TRPS1: variants seen among roughly 807,000 people sequenced by gnomAD.
TRPS1 encodes zinc finger transcription factor Trps1.
TRPS1 carries 6 observed loss-of-function variants against 101.2 expected under a neutral mutation model. The ratio of observed to expected loss-of-function variants is 0.06; its 90% CI spans 0.03 to 0.12. The LOEUF is 0.12. Among genes scored for constraint, TRPS1 ranks in the 10% least tolerant of loss-of-function variants. TRPS1 has a pLI of 1.00. For missense variants in TRPS1, 1,363 were observed against 1,567.0 expected, an observed-to-expected ratio of 0.87 and a Z score of 2.20; for synonymous variants, 578 against 589.8, an observed-to-expected ratio of 0.98 and a Z score of 0.29.
At chr8:115,449,455 T>G (rs1398126252) in intron 5 of TRPS1, among the ~76,000 whole-genome samples, 2 of 152,156 alleles carry the variant, frequency 1.3e-5, no homozygotes, top group African/African-American at 4.8e-5. Context: ...AGGCCAATAT[T>G]TACTAAGCAT....
At chr8:115,494,867 T>C (rs538344113) in intron 5 of TRPS1, among the ~76,000 whole-genome samples, 9 of 152,322 alleles carry the variant, frequency 5.9e-5, no homozygotes, top group Non-Finnish European at 1.0e-4. Flanking sequence ...TGTTTTTCGC[T>C]TGAAAGAAAA....
chr8:115,530,581 A>G (rs1205757161), intron 5 of TRPS1, among the ~76,000 whole-genome samples: 1 of 152,138 alleles, frequency 6.6e-6, no homozygotes, highest in African/African-American at 2.4e-5. Flanking sequence ...AACATAACCC[A>G]TTTGTCAGGG....
chr8:115,450,883 A>C (rs1330291656), intron 5 of TRPS1, among the ~76,000 whole-genome samples: 1 of 152,226 alleles, frequency 6.6e-6, no homozygotes, highest in Non-Finnish European at 1.5e-5. Flanking sequence ...CAAGTTATAT[A>C]TGTTTGAGAC....
chr8:115,444,685 A>G (rs1044057017), intron 5 of TRPS1, among the ~76,000 whole-genome samples: 15 of 152,204 alleles, frequency 9.9e-5, no homozygotes, highest in South Asian at 2.1e-4. Flanking sequence ...AATTAATAAA[A>G]TGAATTGTGT....
At chr8:115,528,876 AACTAT>A (rs1173391219) in intron 5 of TRPS1, among the ~76,000 whole-genome samples, 3 of 152,040 alleles carry the variant, frequency 2.0e-5, no homozygotes, top group African/African-American at 4.8e-5. Flanking sequence ...TTCTTTTAAA[AACTAT>A]TTCAAAATAG....
chr8:115,527,172 T>TATAAA (rs1270171572), intron 5 of TRPS1, among the ~76,000 whole-genome samples: 4 of 152,134 alleles, frequency 2.6e-5, no homozygotes, highest in Non-Finnish European at 5.9e-5. Flanking sequence ...AACAAAGACT[T>TATAAA]CAGCCCTCAG....
intron 1 of TRPS1, among the ~76,000 whole-genome samples, chr8:115,638,573 A>C (rs981425658): frequency 1.3e-5 from 2 of 152,170 alleles, no homozygotes; most frequent in Admixed American, 1.3e-4. Flanking sequence ...CTCCAAAAGC[A>C]AATCTGGGCA....
At chr8:115,538,344 C>A (rs2130297975) in intron 5 of TRPS1, among the ~76,000 whole-genome samples, 1 of 152,242 alleles carries the variant, frequency 6.6e-6, no homozygotes. Flanking sequence ...TATATTATTG[C>A]ATAGTTAAGT....
intron 5 of TRPS1, among the ~76,000 whole-genome samples, chr8:115,563,165 T>C (rs144861408): frequency 2.6e-5 from 4 of 152,144 alleles, no homozygotes; most frequent in African/African-American, 7.2e-5. Flanking sequence ...CCAACAAACA[T>C]GCATCACTAA....
At chr8:115,596,573 TAG>T (rs2130469924) in intron 4 of TRPS1, among the ~76,000 whole-genome samples, 1 of 151,888 alleles carries the variant, frequency 6.6e-6, no homozygotes, top group South Asian at 2.1e-4. Flanking sequence ...TCTATATGGA[TAG>T]ATATAGATAT....
Position 115,413,754 on chromosome 8 carries a change from G to C in TRPS1, c.*269C>G, listed in dbSNP as rs900336688. 1 of 441,814 alleles carries C rather than the reference G, an allele frequency of 2.3e-6. No homozygotes were observed. Among genetic ancestry groups the C allele is most frequent in the African/African-American group, 2.0e-5 (1 of 49,956 alleles). 27.4% of individuals were successfully genotyped at this position (441,814 alleles called of 1,614,324 possible). ...ATATCTCTTATGGATTATTTCCCCA[G>C]TACATATTAGCCAAGATGGTTTTGA... On this transcript the variant is annotated 3_prime_UTR_variant, in exon 7 of 7. Coordinates refer to ENST00000395715, the MANE Select transcript of TRPS1 (RefSeq NM_014112.5).
intron 5 of TRPS1, among the ~76,000 whole-genome samples, chr8:115,487,982 C>T (rs1046921458): frequency 3.3e-5 from 5 of 152,082 alleles, no homozygotes; most frequent in Non-Finnish European, 7.4e-5. Context: ...TTGCATACTA[C>T]AGGAAATCTT....
intron 1 of TRPS1, among the ~76,000 whole-genome samples, chr8:115,633,900 T>C (rs536474212): frequency 1.3e-5 from 2 of 152,222 alleles, no homozygotes; most frequent in African/African-American, 4.8e-5. Flanking sequence ...AAACATAAGT[T>C]AATAGGTACA....
intron 5 of TRPS1, among the ~76,000 whole-genome samples, chr8:115,580,556 C>T (rs1817422831): frequency 6.6e-6 from 1 of 152,036 alleles, no homozygotes; most frequent in Non-Finnish European, 1.5e-5. Flanking sequence ...TATGTCCTGA[C>T]TCATGCAGTC....
chr8:115,620,182 G>GAA (rs10589819), intron 2 of TRPS1, 122 bp from the exon 3 acceptor site: 83 of 689,534 alleles, frequency 1.2e-4, no homozygotes, highest in South Asian at 1.7e-4. Context: ...CTTCCTCTAG[G>GAA]AAAAAAAAAA....
chr8:115,558,801 A>G (rs1261844442), intron 5 of TRPS1, among the ~76,000 whole-genome samples: 1 of 152,200 alleles, frequency 6.6e-6, no homozygotes, highest in Non-Finnish European at 1.5e-5. Flanking sequence ...GATATAAGAA[A>G]GCACCGTGTT....
intron 5 of TRPS1, among the ~76,000 whole-genome samples, chr8:115,420,445 C>A (rs1813025749): frequency 6.6e-6 from 1 of 152,180 alleles, no homozygotes; most frequent in Admixed American, 6.5e-5. Flanking sequence ...CAAATAAACA[C>A]CAACTTGGTC....
At chr8:115,554,578 G>A (rs1872075) in intron 5 of TRPS1, among the ~76,000 whole-genome samples, 2 of 152,034 alleles carry the variant, frequency 1.3e-5, no homozygotes, top group East Asian at 1.9e-4. Flanking sequence ...GTTATTATGC[G>A]CAAAACAGCC....
At chr8:115,544,798 A>G (rs1017284534) in intron 5 of TRPS1, among the ~76,000 whole-genome samples, 2 of 152,138 alleles carry the variant, frequency 1.3e-5, no homozygotes, top group Non-Finnish European at 2.9e-5. Context: ...CTTTTGTGAA[A>G]TTCTGTAGTT....
Sources: gnomAD v4.1 joint callset for allele counts (sites outside exome capture counted in the v4.1 genomes callset) on GRCh38, gnomAD v4.1.1 for gene constraint, MANE v1.5 for transcripts, NCBI Gene and HGNC (gene_info 2026-07-23, HGNC 2026-07-21) for gene names.